Variants in MPP4 observed in about 807,000 individuals in gnomAD.
MPP4 encodes MAGUK p55 subfamily member 4.
MPP4 carries 91 observed loss-of-function variants against 98.3 expected under a neutral mutation model. The observed-to-expected ratio is 0.93, with a 90% CI of 0.78 to 1.10. The LOEUF (loss-of-function observed/expected upper bound fraction) is 1.10, where lower values mean the gene tolerates loss of function less well. Ranked by LOEUF, MPP4 falls within the 50% of genes least tolerant of loss-of-function variation. The pLI is 0.00. For missense variants in MPP4, 744 were observed against 792.9 expected (o/e 0.94, Z 0.74); for synonymous variants, 261 against 271.8 (o/e 0.96, Z 0.39).
chr2:201,689,250 A>C (rs1574636576), intron 4 of MPP4, among the ~76,000 whole-genome samples: 1 of 152,160 alleles, frequency 6.6e-6, no homozygotes, highest in South Asian at 2.1e-4. Context: ...GCTTGAACCC[A>C]GGAGGCAGAG....
In MPP4 at chr2:201,698,570, T is replaced by C. The variant is rs556453620; in HGVS notation, c.-101+17A>G. The C allele has an allele frequency of 1.4e-4, 178 of 1,303,328 alleles. 1 individual carries two copies. In the South Asian group the frequency reaches 1.8e-3, roughly 14 times the overall value. 80.7% of individuals were successfully genotyped at this position (1,303,328 alleles called of 1,614,324 possible). ...ACATCTTCTGGTAACTGAGGATTAT[T>C]TGCCAAGGTCTCTTACCTGCAAGAC... On this transcript the variant is annotated intron_variant, in intron 1 of 21. Transcript: ENST00000409474.
intron 10 of MPP4, 43 bp from the exon 11 acceptor site, chr2:201,675,314 C>A (rs892987896): frequency 1.9e-6 from 3 of 1,566,966 alleles, no homozygotes; most frequent in Non-Finnish European, 1.7e-6. Flanking sequence ...CAAACAAAAA[C>A]CACTCTTTGT....
chr2:201,649,593 T>C lies in MPP4; in HGVS notation c.1567A>G (p.Met523Val). Reference protein sequence around the residue: ...TVLVEGKICVMDLEPQDIQGV... With the variant: ...TVLVEGKICVVDLEPQDIQGV... ...GGACCCACCTGAGGCTCTAGGTCCA[T>C]GACACAGATCTTTCCTTCGACAAGG... is the stretch of plus-strand genomic sequence containing the variant. The change falls in exon 20 of 22, where the codon ATG becomes GTG. Residue 523 changes from methionine (M) to valine (V), a missense_variant. Coordinates refer to ENST00000409474, the MANE Select transcript of MPP4 (RefSeq NM_033066.3). 1.9e-6 allele frequency: 3 copies of C among 1,605,246 alleles called. No individual in the cohort carries two copies. In the South Asian group the frequency reaches 3.4e-5, roughly 18 times the overall value.
chr2:201,645,273 C>T lies in MPP4; in HGVS notation c.1851G>A (p.Lys617=). Residue 617 remains lysine (K), a synonymous_variant, in exon 22 of 22, where the codon AAG becomes AAA. Coordinates refer to ENST00000409474, the MANE Select transcript of MPP4 (RefSeq NM_033066.3). ...ACAQLLSAIQ[K]AQEEPQWVPA... is the part of the protein sequence containing the mutation. ...GTACCCACTGAGGCTCCTCCTGAGC[C>T]TTCTGTATGGCAGACAACAACTGGG... 1 of 1,613,954 alleles carries T rather than the reference C, an allele frequency of 6.2e-7. No individual in the cohort carries two copies. Among genetic ancestry groups the T allele is most frequent in the Non-Finnish European group, 8.5e-7 (1 of 1,179,844 alleles).
At chr2:201,648,766 A>G (rs75372779) in intron 20 of MPP4, among the ~76,000 whole-genome samples, 3,043 of 152,300 alleles carry the variant, frequency 0.02, 110 homozygotes, top group African/African-American at 0.07. Context: ...CTAAATGACT[A>G]AGAAAACATG....
intron 18 of MPP4, among the ~76,000 whole-genome samples, chr2:201,653,942 G>A (rs1004852751): frequency 3.3e-5 from 5 of 151,742 alleles, no homozygotes; most frequent in African/African-American, 1.2e-4. Flanking sequence ...GAGCTTAGGA[G>A]AAATAAAGGA....
Position 201,682,815 on chromosome 2 carries a change from C to G in MPP4, c.660+16G>C. The G allele has an allele frequency of 6.2e-7, 1 of 1,611,944 alleles. No homozygotes were observed. Among genetic ancestry groups the G allele is most frequent in the Non-Finnish European group, 8.5e-7 (1 of 1,178,270 alleles). ...TTTCTCCAAGTCATTAACAAAAAGG[C>G]AAAAAGAAGATTTACCAGAATATGG... On this transcript the variant is annotated intron_variant, in intron 8 of 21. Coordinates refer to ENST00000409474, the MANE Select transcript of MPP4 (RefSeq NM_033066.3).
chr2:201,663,295 G>A (rs1374429890), intron 14 of MPP4, among the ~76,000 whole-genome samples: 1 of 152,182 alleles, frequency 6.6e-6, no homozygotes. Flanking sequence ...AAGGCCAGGA[G>A]TATCCGCAAT....
chr2:201,675,160 T>C (rs1169875231), intron 11 of MPP4, 47 bp downstream of exon 11: 1 of 1,550,442 alleles, frequency 6.4e-7, no homozygotes, highest in South Asian at 1.2e-5. Flanking sequence ...AATGCCATGG[T>C]CTTTATTGCA....
At chr2:201,674,604 T>G (rs987313820) in intron 11 of MPP4, among the ~76,000 whole-genome samples, 4 of 152,340 alleles carry the variant, frequency 2.6e-5, no homozygotes, top group Admixed American at 2.6e-4. Context: ...GCTTTTAGCT[T>G]TCAAGCTGCC....
At position 201,650,658 on chromosome 2, in the gene MPP4, G is replaced by A. The variant is rs548595170; in HGVS notation, c.1382-493C>T. On this transcript the variant is annotated intron_variant, in intron 18 of 21. Transcript: ENST00000409474. Reference sequence around the variant, plus strand: ...CACATTCATAAGACTGATGAAAAGCGAAGTTGAAATTAGAACCTACGTGTT... The same window carrying A: ...CACATTCATAAGACTGATGAAAAGCAAAGTTGAAATTAGAACCTACGTGTT... 32 of 985,240 alleles carry A rather than the reference G, an allele frequency of 3.2e-5. No individual in the cohort carries two copies. In the African/African-American group the frequency reaches 4.5e-4, roughly 14 times the overall value. 61.0% of individuals were successfully genotyped at this position (985,240 alleles called of 1,614,324 possible). A position where few individuals can be genotyped will look rare whatever the true frequency, so the allele number is the denominator to read the frequency against.
rs376434051 is a variant in MPP4 at position 201,653,588 on chromosome 2, T to C, written c.1381+1249A>G. ...CAAAATTTTAACTTTCTTTTACACA[T>C]ATTAGAAACGATGCATTATTATACA... On this transcript the variant is annotated intron_variant, in intron 18 of 21. Coordinates refer to ENST00000409474, the MANE Select transcript of MPP4 (RefSeq NM_033066.3). Among the ~76,000 whole-genome samples the C allele has an allele frequency of 5.3e-5, 8 of 152,216 alleles. No homozygotes were observed. The East Asian group carries it at 1.5e-3, about 29-fold the overall frequency.
chr2:201,670,663 T>C (rs561249315), intron 11 of MPP4, among the ~76,000 whole-genome samples: 1 of 152,190 alleles, frequency 6.6e-6, no homozygotes, highest in Non-Finnish European at 1.5e-5. Flanking sequence ...TAAATGAAAG[T>C]TTGTTTTAAA....
At chr2:201,694,122 C>CA (rs1161004928) in intron 1 of MPP4, 68 bp from the exon 2 acceptor site, 73 of 1,431,154 alleles carry the variant, frequency 5.1e-5, no homozygotes, top group Non-Finnish European at 6.6e-5. Flanking sequence ...GGATACACAT[C>CA]AAATGAAACA....
In MPP4 at chr2:201,680,989, C is replaced by G. The variant is rs200908080; in HGVS notation, c.778G>C (p.Asp260His). Residue 260 changes from aspartate to histidine, a missense_variant, in exon 10 of 22, where the codon GAC becomes CAC. Asp to His is a moderately conservative substitution (Grantham distance 81). Transcript: ENST00000409474. Reference protein sequence around the residue: ...MTEYWPQEDPDIPCMDAGLPF... With the variant: ...MTEYWPQEDPHIPCMDAGLPF... ...AATCCAGCGTCCATGCAGGGGATGT[C>G]GGGATCCTCCTGGGGCCAGTACTCA... 1 of 1,613,740 alleles carries G rather than the reference C, an allele frequency of 6.2e-7. No individual in the cohort carries two copies. The highest frequency in any genetic ancestry group is 1.3e-5 in the African/African-American group (1 of 74,888).
chr2:201,653,062 A>C (rs1182121490), intron 18 of MPP4, among the ~76,000 whole-genome samples: 1 of 152,202 alleles, frequency 6.6e-6, no homozygotes, highest in East Asian at 1.9e-4. Context: ...TTGGGAATCC[A>C]CTTTTGGCCT....
chr2:201,695,429 A>G (rs1402025214), intron 1 of MPP4, among the ~76,000 whole-genome samples: 1 of 152,238 alleles, frequency 6.6e-6, no homozygotes, highest in East Asian at 1.9e-4. Flanking sequence ...TAAAACCTGT[A>G]GTTATCTGAA....
intron 14 of MPP4, among the ~76,000 whole-genome samples, chr2:201,660,880 C>G (rs1688006690): frequency 6.6e-6 from 1 of 152,106 alleles, no homozygotes; most frequent in African/African-American, 2.4e-5. Flanking sequence ...ACAAAGCAAA[C>G]TGTTTTCTTT....
Position 201,686,032 on chromosome 2 carries a change from C to A in MPP4, c.379G>T (p.Asp127Tyr). 1.9e-6 allele frequency: 3 copies of A among 1,612,090 alleles called. No individual in the cohort carries two copies. Among genetic ancestry groups the A allele is most frequent in the South Asian group, 2.2e-5 (2 of 91,006 alleles). Reference protein sequence around the residue: ...PHFKALLSAHDTIAQKDFEPL... With the variant: ...PHFKALLSAHYTIAQKDFEPL... ...TCAAAATCTTTCTGAGCTATCGTGT[C>A]ATGGGCACTGAGCAAGGCCTGGGCA... The change falls in exon 6 of 22, where the codon GAC becomes TAC. Residue 127 changes from aspartate (D) to tyrosine (Y), a missense_variant. Physicochemically the swap from Asp to Tyr is radical, Grantham distance 160 (BLOSUM62 -3). Transcript: ENST00000409474.
Sources: gnomAD v4.1 joint callset for allele counts (sites outside exome capture counted in the v4.1 genomes callset) on GRCh38, gnomAD v4.1.1 for gene constraint, MANE v1.5 for transcripts, NCBI Gene and HGNC (gene_info 2026-07-23, HGNC 2026-07-21) for gene names.